Variants in ACSL6 observed in about 807,000 individuals in gnomAD.
ACSL6 encodes the protein acyl-CoA synthetase long chain family member 6.
In ACSL6, 47 loss-of-function variants were observed where a neutral mutation model predicts 98.2. The observed-to-expected ratio is 0.48, with a 90% CI of 0.38 to 0.61. The LOEUF (loss-of-function observed/expected upper bound fraction) is 0.61. Ranked by LOEUF, ACSL6 falls within the 20% of genes least tolerant of loss-of-function variation. The pLI is 0.00. For missense variants in ACSL6, 761 were observed against 913.4 expected, an observed-to-expected ratio of 0.83 and a Z score of 2.15; for synonymous variants, 362 against 336.9, an observed-to-expected ratio of 1.07 and a Z score of -0.82.
chr5:132,005,437 G>A (rs1167208125), intron 1 of ACSL6, among the ~76,000 whole-genome samples: 2 of 152,208 alleles, frequency 1.3e-5, no homozygotes, highest in Admixed American at 6.5e-5. Flanking sequence ...TGGCCTAAAG[G>A]CCTTAAGGCC....
At position 131,972,789 on chromosome 5, in the gene ACSL6, C is replaced by T. The variant is rs145869312; in HGVS notation, c.1273G>A (p.Glu425Lys). The change falls in exon 13 of 21, where the codon GAG becomes AAG. Residue 425 changes from glutamate to lysine, a missense_variant. Glu to Lys is a moderately conservative substitution (Grantham distance 56, BLOSUM62 1). Coordinates refer to ENST00000651883, the MANE Select transcript of ACSL6 (RefSeq NM_001009185.3). ...TTCCTGATGATTCCACTCCGGACCT[C>T]GGCTTGCTTACGCTTTGCTGCAAAC... is the stretch of plus-strand genomic sequence containing the variant. ...LEFAAKRKQAEVRSGIIRNDS... is the reference protein window; with the variant it reads ...LEFAAKRKQAKVRSGIIRNDS... The T allele has an allele frequency of 6.8e-4, 1,103 of 1,614,198 alleles. 4 individuals are homozygous for T. The highest frequency in any genetic ancestry group is 6.6e-4 in the Non-Finnish European group (775 of 1,180,046).
At chr5:131,975,254 C>A in intron 10 of ACSL6, 2 of 1,268,736 alleles carry the variant, frequency 1.6e-6, no homozygotes, top group South Asian at 3.7e-5. Context: ...AGGTTATCTG[C>A]AGAAGCAAAG....
At chr5:131,987,685 A>G (rs529448229) in intron 7 of ACSL6, among the ~76,000 whole-genome samples, 16 of 151,950 alleles carry the variant, frequency 1.1e-4, no homozygotes, top group Admixed American at 2.0e-4. Context: ...CCTCTCCCAG[A>G]CTCCTGGACC....
At chr5:131,962,187 G>A (rs1336719928) in intron 18 of ACSL6, among the ~76,000 whole-genome samples, 1 of 152,042 alleles carries the variant, frequency 6.6e-6, no homozygotes, top group African/African-American at 2.4e-5. Flanking sequence ...GGGTGAAAGA[G>A]CGAGACCCTG....
Position 131,971,544 on chromosome 5 carries a change from C to T in ACSL6, c.1434+6G>A. On this transcript the variant is annotated splice_donor_region_variant and intron_variant, in intron 14 of 20. Transcript: ENST00000651883. ...GTTTCCAAGGGAGGACACACAATGA[C>T]AATACCTGGCACCCTAGAGCTGCCC... The T allele has an allele frequency of 6.3e-7, 1 of 1,596,734 alleles. No individual in the cohort carries two copies. Among genetic ancestry groups the T allele is most frequent in the Non-Finnish European group, 8.5e-7 (1 of 1,170,662 alleles).
intron 7 of ACSL6, among the ~76,000 whole-genome samples, chr5:131,987,125 C>T (rs1754240155): frequency 6.6e-6 from 1 of 152,206 alleles, no homozygotes; most frequent in African/African-American, 2.4e-5. Flanking sequence ...TCTTCTCAGA[C>T]AGACATCTAA....
At chr5:131,999,578 C>G (rs774627179) in intron 1 of ACSL6, 4 of 152,230 alleles carry the variant, frequency 2.6e-5, no homozygotes, top group Non-Finnish European at 5.9e-5. Context: ...TGGGGACAGT[C>G]GATGGCAACA....
At chr5:131,975,659 G>A (rs1580653387) in intron 10 of ACSL6, 10 of 985,088 alleles carry the variant, frequency 1.0e-5, no homozygotes, top group East Asian at 1.1e-4. Context: ...GCTGTGCCCC[G>A]CCAGCAAAGG....
rs537485521 is a variant in ACSL6, at chr5:131,976,706, G to A, written c.932C>T (p.Ala311Val). Residue 311 changes from alanine to valine, a missense_variant, in exon 10 of 21, where the codon GCG becomes GTG. Transcript: ENST00000651883. Reference protein sequence around the residue: ...TSGTTGNPKGAMLTHGNVVAD... With the variant: ...TSGTTGNPKGVMLTHGNVVAD... ...CACCACGTTCCCATGGGTGAGCATC[G>A]CACCTTTTGGGTTCCCTATAAAAAG... 3.5e-5 allele frequency: 57 copies of A among 1,614,058 alleles called. No individual in the cohort carries two copies. In the South Asian group the frequency reaches 3.8e-4, roughly 11 times the overall value.
intron 9 of ACSL6, among the ~76,000 whole-genome samples, chr5:131,979,676 G>A (rs569948850): frequency 6.6e-6 from 1 of 152,328 alleles, no homozygotes; most frequent in African/African-American, 2.4e-5. Flanking sequence ...TGGTCCCAAA[G>A]GGTGAAGAAG....
chr5:132,007,027 G>A (rs1217505344), intron 1 of ACSL6: 2 of 152,040 alleles, frequency 1.3e-5, no homozygotes, highest in African/African-American at 4.8e-5. Context: ...AATAAATTAC[G>A]CTCAGGGAAT....
rs376531762 is a variant in ACSL6, at chr5:131,959,562, C to T, written c.2005G>A (p.Glu669Lys). The T allele has an allele frequency of 1.2e-6, 2 of 1,614,100 alleles. No individual in the cohort carries two copies. The highest frequency in any genetic ancestry group is 2.7e-5 in the African/African-American group (2 of 74,938). The change falls in exon 20 of 21, where the codon GAA becomes AAA. Residue 669 changes from glutamate (E) to lysine (K), a missense_variant. Transcript: ENST00000651883. ...ILEDMVRLGKESGLHSFEQVK... is the reference protein window; with the variant it reads ...ILEDMVRLGKKSGLHSFEQVK... ...TGCTCAAAAGAATGGAGTCCACTTT[C>T]TTTTCCTAACCTCACCATATCTTCC...
Position 131,973,678 on chromosome 5 carries a change from GC to G in ACSL6, c.1069-279del, listed in dbSNP as rs1184700738. 7 of 304,272 alleles carry G rather than the reference GC, an allele frequency of 2.3e-5. No individual in the cohort carries two copies. The South Asian group carries it at 3.7e-4, about 16-fold the overall frequency. 18.8% of individuals were successfully genotyped at this position (304,272 alleles called of 1,614,324 possible). The stretch of plus-strand genomic sequence containing the variant: ...AAAGCAGCCATTCTCACTGGCGTGT[GC>G]CCCCCTCACCTACTCCCAAACCCTG... On this transcript the variant is annotated intron_variant, in intron 11 of 20. Coordinates refer to ENST00000651883, the MANE Select transcript of ACSL6 (RefSeq NM_001009185.3).
intron 9 of ACSL6, among the ~76,000 whole-genome samples, chr5:131,979,679 TGAA>T (rs1166554106): frequency 2.6e-5 from 4 of 152,162 alleles, no homozygotes; most frequent in East Asian, 1.9e-4. Context: ...TCCCAAAGGG[TGAA>T]GAAGAAGTGA....
Position 131,950,323 on chromosome 5 carries a change from C to T in ACSL6, c.*3911G>A, listed in dbSNP as rs1387039676. The stretch of plus-strand genomic sequence containing the variant: ...TCACATTTCAAATATTTATCTACTG[C>T]CTCTGTGTTACAACCACTAATGTGT... On this transcript the variant is annotated 3_prime_UTR_variant, in exon 21 of 21. Transcript: ENST00000651883. The T allele has an allele frequency of 4.9e-6, 1 of 205,170 alleles. No individual in the cohort carries two copies. Among genetic ancestry groups the T allele is most frequent in the Non-Finnish European group, 1.0e-5 (1 of 100,304 alleles). The allele number at this position is 205,170 out of a possible 1,614,324, so 12.7% of individuals were successfully genotyped here. A position where few individuals can be genotyped will look rare whatever the true frequency, so the allele number is the denominator to read the frequency against.
intron 2 of ACSL6, 117 bp downstream of exon 2, chr5:131,993,914 G>A: frequency 1.9e-6 from 2 of 1,080,528 alleles, no homozygotes; most frequent in Non-Finnish European, 2.7e-6. Context: ...ACTGCCAGGG[G>A]AGACACCTTC....
chr5:131,994,149 G>A lies in ACSL6; in HGVS notation c.152C>T (p.Ser51Leu), dbSNP rs760863890. 8.1e-6 allele frequency: 13 copies of A among 1,614,216 alleles called. No individual in the cohort carries two copies. The highest frequency in any genetic ancestry group is 5.0e-5 in the Admixed American group (3 of 60,034). The change falls in exon 2 of 21, where the codon TCG becomes TTG. Residue 51 changes from serine to leucine, a missense_variant. Physicochemically the swap from Ser to Leu is moderately radical, Grantham distance 145. Transcript: ENST00000651883. ...GDLGQFFRSL[S>L]ATTLVSMGAL... Reference sequence around the variant, plus strand: ...ACCCATACTCACGAGGGTGGTGGCCGAGAGGCTGCGGAAAAACTGTCCCAA... The same window carrying A: ...ACCCATACTCACGAGGGTGGTGGCCAAGAGGCTGCGGAAAAACTGTCCCAA...
chr5:131,988,987 C>T, intron 5 of ACSL6, 83 bp from the exon 6 acceptor site: 1 of 1,257,900 alleles, frequency 7.9e-7, no homozygotes, highest in Admixed American at 1.7e-5. Flanking sequence ...AACCAGCGTC[C>T]CTGCTCTAAG....
rs1264664774 is a variant in ACSL6 at position 132,011,619 on chromosome 5, G to GCCCAGCAGC, written c.-75_-67dup. 8.5e-5 allele frequency: 115 copies of GCCCAGCAGC among 1,353,134 alleles called. 1 individual carries two copies. Among genetic ancestry groups the GCCCAGCAGC allele is most frequent in the South Asian group, 2.1e-4 (11 of 51,688 alleles). 83.8% of individuals were successfully genotyped at this position (1,353,134 alleles called of 1,614,324 possible). On this transcript the variant is annotated 5_prime_UTR_variant, in exon 1 of 21. Coordinates refer to ENST00000651883, the MANE Select transcript of ACSL6 (RefSeq NM_001009185.3). The surrounding 1 kb of genome is among the most constrained non-coding windows in gnomAD (Gnocchi z 5.4). Reference sequence around the variant, plus strand: ...CGACCCGCAGCCCCGCAGCCCCGCAGCCCAGCAGCCCCAGCAGTAGCCGCG... The same window carrying GCCCAGCAGC: ...CGACCCGCAGCCCCGCAGCCCCGCAGCCCAGCAGCCCCAGCAGCCCCAGCAGTAGCCGCG...
Sources: gnomAD v4.1 joint callset for allele counts (sites outside exome capture counted in the v4.1 genomes callset) on GRCh38, gnomAD v4.1.1 for gene constraint, Gnocchi (gnomAD v3.1) non-coding constraint, MANE v1.5 for transcripts, NCBI Gene and HGNC (gene_info 2026-07-23, HGNC 2026-07-21) for gene names.